CCM2: variants seen among roughly 807,000 people sequenced by gnomAD.
CCM2 encodes CCM2 scaffold protein.
Under a neutral mutation model 44.9 loss-of-function variants are expected in CCM2, and 25 were observed. The ratio of observed to expected loss-of-function variants is 0.56; its 90% CI spans 0.41 to 0.78. The LOEUF (loss-of-function observed/expected upper bound fraction) is 0.78. CCM2 is among the 30% of genes least tolerant of loss of function. The pLI is 0.00. For missense variants in CCM2, 481 were observed against 580.6 expected (o/e 0.83, Z 1.76); for synonymous variants, 219 against 241.1 (o/e 0.91, Z 0.85).
chr7:45,021,958 A>G (rs1796499304), intron 1 of CCM2, among the ~76,000 whole-genome samples: 1 of 152,226 alleles, frequency 6.6e-6, no homozygotes, highest in Non-Finnish European at 1.5e-5. Context: ...TATAAAGTTA[A>G]AGAACTTAAG....
At chr7:45,024,964 G>C (rs1796624458) in intron 1 of CCM2, among the ~76,000 whole-genome samples, 1 of 152,156 alleles carries the variant, frequency 6.6e-6, no homozygotes, top group African/African-American at 2.4e-5. Context: ...GATTCTGCCT[G>C]CTCTTATTCT....
intron 1 of CCM2, among the ~76,000 whole-genome samples, chr7:45,023,893 C>G (rs752185357): frequency 6.8e-6 from 1 of 148,080 alleles, no homozygotes; most frequent in Non-Finnish European, 1.5e-5. Context: ...TCACTGCAAC[C>G]TCTGCCTCCC....
At chr7:45,054,033 G>A (rs187001949) in intron 2 of CCM2, among the ~76,000 whole-genome samples, 22 of 152,168 alleles carry the variant, frequency 1.4e-4, no homozygotes, top group Admixed American at 9.8e-4. Flanking sequence ...AGTACATGCC[G>A]TAGTAGAGAA....
chr7:45,000,867 A>C (rs1324303975), intron 1 of CCM2, among the ~76,000 whole-genome samples: 1 of 152,214 alleles, frequency 6.6e-6, no homozygotes, highest in Admixed American at 6.5e-5. Flanking sequence ...TGGCAGTGGG[A>C]TTTAGGACAT....
intron 2 of CCM2, among the ~76,000 whole-genome samples, chr7:45,056,522 G>C (rs1383880590): frequency 6.6e-6 from 1 of 152,202 alleles, no homozygotes; most frequent in Non-Finnish European, 1.5e-5. Context: ...AGCCATCCTA[G>C]TGGGTGTGAA....
At chr7:45,017,481 T>C (rs969555795) in intron 1 of CCM2, among the ~76,000 whole-genome samples, 14 of 152,202 alleles carry the variant, frequency 9.2e-5, no homozygotes, top group Non-Finnish European at 1.9e-4. Flanking sequence ...GTTTTCCTAT[T>C]GCTTATCCAG....
chr7:45,022,892 C>G (rs992191576), intron 1 of CCM2, among the ~76,000 whole-genome samples: 3 of 152,020 alleles, frequency 2.0e-5, no homozygotes, highest in East Asian at 2.0e-4. Flanking sequence ...AGGTGCCCAC[C>G]ACCACGCCTG....
At chr7:45,029,322 C>T (rs1583880376) in intron 1 of CCM2, 1 of 152,034 alleles carries the variant, frequency 6.6e-6, no homozygotes, top group African/African-American at 2.4e-5. Context: ...ATAAAACCCA[C>T]CTTGTAGTTT....
chr7:45,014,868 C>G (rs975011786), intron 1 of CCM2, among the ~76,000 whole-genome samples: 1 of 152,080 alleles, frequency 6.6e-6, no homozygotes, highest in Admixed American at 6.6e-5. Flanking sequence ...CTGATCGGCC[C>G]ACCTCAGCCT....
Position 45,020,794 on chromosome 7 carries a change from T to A in CCM2, c.31-17459T>A, listed in dbSNP as rs76341026. 1.4e-4 allele frequency among the ~76,000 whole-genome samples: 21 copies of A among 152,346 alleles called. No homozygotes were observed. The East Asian group carries it at 3.7e-3, about 27-fold the overall frequency. ...TTTCTTACTAAAAAATACATTTGTA[T>A]CTCAGAAGAAAGTAGCAAAATATAT... On this transcript the variant is annotated intron_variant, in intron 1 of 9. Transcript: ENST00000258781.
At chr7:45,012,752 A>G (rs111959774) in intron 1 of CCM2, among the ~76,000 whole-genome samples, 3 of 150,998 alleles carry the variant, frequency 2.0e-5, no homozygotes, top group South Asian at 2.1e-4. Context: ...GGGTCTCACT[A>G]TGTTGCCCAG....
intron 2 of CCM2, among the ~76,000 whole-genome samples, chr7:45,056,296 T>C (rs1330105508): frequency 6.6e-6 from 1 of 152,196 alleles, no homozygotes; most frequent in African/African-American, 2.4e-5. Flanking sequence ...TACATTCCCA[T>C]CAGTAATGCA....
chr7:45,004,781 G>C (rs1010865238), intron 1 of CCM2, among the ~76,000 whole-genome samples: 11 of 152,248 alleles, frequency 7.2e-5, no homozygotes, highest in African/African-American at 2.2e-4. Flanking sequence ...GCTGAGGTGG[G>C]TGGATCACCT....
chr7:45,008,588 C>G (rs1051126787), intron 1 of CCM2, among the ~76,000 whole-genome samples: 1 of 151,490 alleles, frequency 6.6e-6, no homozygotes, highest in South Asian at 2.1e-4. Flanking sequence ...TCTCAAACTC[C>G]CAACCTCAGG....
intron 2 of CCM2, 94 bp from the exon 3 acceptor site, chr7:45,063,824 T>G: frequency 1.2e-6 from 1 of 868,986 alleles, no homozygotes; most frequent in Non-Finnish European, 2.0e-6. Flanking sequence ...GTGGCCTGAG[T>G]ATGAAGCACT....
intron 6 of CCM2, 81 bp from the exon 7 acceptor site, chr7:45,072,645 A>T: frequency 9.2e-7 from 1 of 1,083,392 alleles, no homozygotes. Context: ...GTCTCCTGTA[A>T]ATACAGCAGT....
chr7:45,030,957 C>T (rs1796937482), intron 1 of CCM2, among the ~76,000 whole-genome samples: 1 of 152,068 alleles, frequency 6.6e-6, no homozygotes. Context: ...CATCTGACCT[C>T]AGGTGATCCA....
At chr7:45,001,224 C>A (rs745478599) in intron 1 of CCM2, among the ~76,000 whole-genome samples, 51 of 152,110 alleles carry the variant, frequency 3.4e-4, no homozygotes, top group Non-Finnish European at 6.9e-4. Context: ...GACAGAGTGC[C>A]CCATTTAAAA....
At chr7:45,074,116 C>T (rs973948660) in intron 8 of CCM2, 154 bp from the exon 9 acceptor site, 24 of 1,482,858 alleles carry the variant, frequency 1.6e-5, no homozygotes, top group Non-Finnish European at 2.0e-5. Context: ...AGGATGGGGA[C>T]ACATTGTGGT....
Sources: gnomAD v4.1 joint callset for allele counts (sites outside exome capture counted in the v4.1 genomes callset) on GRCh38, gnomAD v4.1.1 for gene constraint, MANE v1.5 for transcripts, NCBI Gene and HGNC (gene_info 2026-07-23, HGNC 2026-07-21) for gene names.